Variants in PTPRD observed in about 807,000 individuals in gnomAD.
The protein encoded by PTPRD is protein tyrosine phosphatase receptor type D.
Under a neutral mutation model 214.5 loss-of-function variants are expected in PTPRD, and 34 were observed. The observed-to-expected ratio is 0.16, with a 90% CI of 0.12 to 0.21. The LOEUF (loss-of-function observed/expected upper bound fraction) is 0.21. Among genes scored for constraint, PTPRD ranks in the 10% least tolerant of loss-of-function variants. The probability of loss-of-function intolerance (pLI) is 1.00; values close to 1 mark genes in which losing one functional copy is unlikely to be tolerated. For missense variants in PTPRD, 2,545 were observed against 2,398.7 expected (o/e 1.06, Z -1.27); for synonymous variants, 1,128 against 845.7 (o/e 1.33, Z -5.79).
intron 9 of PTPRD, among the ~76,000 whole-genome samples, chr9:9,282,581 C>T (rs1948096472): frequency 6.6e-6 from 1 of 151,268 alleles, no homozygotes; most frequent in Admixed American, 6.6e-5. Context: ...GCATAAATGA[C>T]CCCACAGTTT....
intron 2 of PTPRD, among the ~76,000 whole-genome samples, chr9:10,353,390 C>T (rs546778309): frequency 2.0e-4 from 30 of 151,974 alleles, no homozygotes; most frequent in Non-Finnish European, 3.5e-4. Context: ...TTGTTTATTC[C>T]ACTTCCTAAC....
chr9:9,463,726 T>C (rs1354064603), intron 8 of PTPRD, among the ~76,000 whole-genome samples: 1 of 152,178 alleles, frequency 6.6e-6, no homozygotes, highest in Non-Finnish European at 1.5e-5. Flanking sequence ...GGGCTTCTAG[T>C]GTACTTGAAA....
intron 2 of PTPRD, among the ~76,000 whole-genome samples, chr9:10,380,624 A>T (rs1021999208): frequency 1.3e-5 from 2 of 152,060 alleles, no homozygotes; most frequent in Non-Finnish European, 2.9e-5. Context: ...AATTTACCTT[A>T]GGCATTTTAT....
At chr9:9,998,075 C>T (rs1471248053) in intron 4 of PTPRD, among the ~76,000 whole-genome samples, 1 of 145,712 alleles carries the variant, frequency 6.9e-6, no homozygotes, top group African/African-American at 2.6e-5. Context: ...GAACACAAAC[C>T]TGCACGCTGT....
chr9:9,226,488 G>C (rs1031864443), intron 9 of PTPRD, among the ~76,000 whole-genome samples: 13 of 152,004 alleles, frequency 8.6e-5, no homozygotes, highest in African/African-American at 3.1e-4. Context: ...TTAGTGGGTA[G>C]TGAAGGGTAT....
chr9:8,739,589 T>G (rs144730454), intron 11 of PTPRD, among the ~76,000 whole-genome samples: 3,010 of 152,240 alleles, frequency 0.02, 32 homozygotes, highest in Middle Eastern at 0.058. Context: ...TTTGGAGGTG[T>G]AGACTGAAAC....
At chr9:10,368,846 C>T (rs988754903) in intron 2 of PTPRD, among the ~76,000 whole-genome samples, 1 of 152,062 alleles carries the variant, frequency 6.6e-6, no homozygotes, top group Non-Finnish European at 1.5e-5. Context: ...ATAGAAGGAC[C>T]TTTCATCAAC....
At chr9:10,351,218 A>G (rs951071559) in intron 2 of PTPRD, among the ~76,000 whole-genome samples, 1 of 152,136 alleles carries the variant, frequency 6.6e-6, no homozygotes, top group African/African-American at 2.4e-5. Context: ...TTTTTTTTTA[A>G]TCATCTACTA....
chr9:9,000,971 G>A (rs1283418267), intron 11 of PTPRD, among the ~76,000 whole-genome samples: 1 of 151,896 alleles, frequency 6.6e-6, no homozygotes, highest in African/African-American at 2.4e-5. Context: ...CTACAGCAAA[G>A]CACGCACAGC....
rs150310551 is a variant in PTPRD at position 9,484,534 on chromosome 9, G to C, written c.-236-87052C>G. Among the ~76,000 whole-genome samples the C allele has an allele frequency of 1.6e-3, 243 of 152,216 alleles. 1 individual carries two copies. The highest frequency in any genetic ancestry group is 5.6e-3 in the African/African-American group (234 of 41,532). ...GCATTCAAGATTCATGTTTGTTGCT[G>C]AATGTAAATCATACTTTAATAAAAA... On this transcript the variant is annotated intron_variant, in intron 8 of 45. Transcript: ENST00000381196.
At chr9:9,064,481 A>G (rs2099720692) in intron 10 of PTPRD, among the ~76,000 whole-genome samples, 1 of 152,112 alleles carries the variant, frequency 6.6e-6, no homozygotes, top group Non-Finnish European at 1.5e-5. Context: ...CAGCCATTTG[A>G]TTGATCTGAT....
At chr9:10,302,253 G>A (rs193270250) in intron 3 of PTPRD, among the ~76,000 whole-genome samples, 267 of 152,292 alleles carry the variant, frequency 1.8e-3, no homozygotes, top group African/African-American at 6.1e-3. Flanking sequence ...CCTTACAAGA[G>A]CTCCTGAAGG....
rs546392347 is a variant in PTPRD at position 10,167,510 on chromosome 9, C to G, written c.-544-133720G>C. On this transcript the variant is annotated intron_variant, in intron 3 of 45. Coordinates refer to ENST00000381196, the MANE Select transcript of PTPRD (RefSeq NM_002839.4). Reference sequence around the variant, plus strand: ...TCTTCAGGAAAGAGAATTCCATTATCTATTTATCTATTAGGAAATGGAATA... The same window carrying G: ...TCTTCAGGAAAGAGAATTCCATTATGTATTTATCTATTAGGAAATGGAATA... Among the ~76,000 whole-genome samples the G allele has an allele frequency of 8.5e-5, 13 of 152,170 alleles. No individual in the cohort carries two copies. In the South Asian group the frequency reaches 2.7e-3, roughly 32 times the overall value.
At chr9:10,236,382 G>T (rs1174816744) in intron 3 of PTPRD, among the ~76,000 whole-genome samples, 1 of 151,890 alleles carries the variant, frequency 6.6e-6, no homozygotes, top group Non-Finnish European at 1.5e-5. Context: ...TGACAGTTAG[G>T]CTTAAAATGG....
chr9:9,128,205 A>G (rs1192612404), intron 10 of PTPRD, among the ~76,000 whole-genome samples: 1 of 152,192 alleles, frequency 6.6e-6, no homozygotes, highest in East Asian at 1.9e-4. Context: ...TAAAAAATAA[A>G]ACTCATAATA....
intron 3 of PTPRD, among the ~76,000 whole-genome samples, chr9:10,101,568 A>G (rs1263120268): frequency 6.6e-6 from 1 of 151,664 alleles, no homozygotes; most frequent in African/African-American, 2.4e-5. Flanking sequence ...CCATAGAAGG[A>G]TCACCTTCAA....
intron 9 of PTPRD, among the ~76,000 whole-genome samples, chr9:9,392,353 T>C (rs1328782454): frequency 6.6e-6 from 1 of 152,292 alleles, no homozygotes; most frequent in African/African-American, 2.4e-5. Flanking sequence ...ACATTACAGA[T>C]AGGTCATTGG....
chr9:9,000,460 C>T (rs186371281), intron 11 of PTPRD, among the ~76,000 whole-genome samples: 7 of 151,930 alleles, frequency 4.6e-5, no homozygotes, highest in Non-Finnish European at 8.8e-5. Context: ...TGTGGTTCAT[C>T]TTGAGGTGCT....
chr9:9,579,746 T>A (rs776659075), intron 7 of PTPRD, among the ~76,000 whole-genome samples: 14 of 152,136 alleles, frequency 9.2e-5, no homozygotes, highest in Admixed American at 3.9e-4. Context: ...TATAATTTGG[T>A]TATATGCATA....
Sources: gnomAD v4.1 joint callset for allele counts (sites outside exome capture counted in the v4.1 genomes callset) on GRCh38, gnomAD v4.1.1 for gene constraint, MANE v1.5 for transcripts, NCBI Gene and HGNC (gene_info 2026-07-23, HGNC 2026-07-21) for gene names.